The following AGBL4 variants were observed in gnomAD, a reference collection of about 807,000 sequenced individuals.
AGBL4 encodes the protein AGBL carboxypeptidase 4.
In AGBL4, 58 loss-of-function variants were observed where a neutral mutation model predicts 66.4. That is an observed-to-expected ratio of 0.87 (90% confidence interval 0.71 to 1.09). The LOEUF (loss-of-function observed/expected upper bound fraction) is 1.09, where lower values mean the gene tolerates loss of function less well. Ranked by LOEUF, AGBL4 falls within the 50% of genes least tolerant of loss-of-function variation. AGBL4 has a pLI of 0.00. For synonymous variants in AGBL4, 234 were observed against 222.9 expected (o/e 1.05, Z -0.44); for missense variants, 579 against 631.0 (o/e 0.92, Z 0.88).
intron 4 of AGBL4, among the ~76,000 whole-genome samples, chr1:49,091,503 C>G (rs181357205): frequency 7.3e-4 from 111 of 152,130 alleles, no homozygotes; most frequent in African/African-American, 2.6e-3. Flanking sequence ...TCATCTCACA[C>G]CAGTTATTAT....
chr1:49,302,807 G>T (rs1235302577), intron 3 of AGBL4, among the ~76,000 whole-genome samples: 3 of 151,610 alleles, frequency 2.0e-5, no homozygotes, highest in African/African-American at 7.3e-5. Flanking sequence ...TTATCCTGAT[G>T]TTCTCCCTCC....
intron 3 of AGBL4, among the ~76,000 whole-genome samples, chr1:49,546,569 G>A (rs1250194399): frequency 2.0e-5 from 3 of 152,068 alleles, no homozygotes; most frequent in Non-Finnish European, 4.4e-5. Flanking sequence ...ACTACTTCTA[G>A]TTCTTTAAGG....
chr1:48,957,761 C>T (rs1036188414), intron 5 of AGBL4, among the ~76,000 whole-genome samples: 4 of 152,202 alleles, frequency 2.6e-5, no homozygotes, highest in Non-Finnish European at 5.9e-5. Flanking sequence ...ACATTGACTT[C>T]AGTGATTTCC....
chr1:49,110,446 T>C (rs995649690), intron 4 of AGBL4, among the ~76,000 whole-genome samples: 1 of 152,220 alleles, frequency 6.6e-6, no homozygotes, highest in African/African-American at 2.4e-5. Flanking sequence ...TTCTATTTAT[T>C]GAAAACCATT....
chr1:48,940,717 G>A (rs1048851427), intron 5 of AGBL4, among the ~76,000 whole-genome samples: 3 of 152,152 alleles, frequency 2.0e-5, no homozygotes, highest in African/African-American at 7.2e-5. Context: ...TACCCTCAAC[G>A]GTTATATCCA....
At chr1:48,713,342 C>T (rs1262218617) in intron 6 of AGBL4, among the ~76,000 whole-genome samples, 6 of 152,046 alleles carry the variant, frequency 3.9e-5, no homozygotes, top group Non-Finnish European at 8.8e-5. Flanking sequence ...AAGGGAGAGC[C>T]ATTCTTAGGG....
At chr1:48,900,699 T>C (rs1299931326) in intron 5 of AGBL4, among the ~76,000 whole-genome samples, 1 of 152,194 alleles carries the variant, frequency 6.6e-6, no homozygotes, top group Non-Finnish European at 1.5e-5. Flanking sequence ...AATAAGAATT[T>C]TGATCCATAC....
At chr1:49,826,015 C>T (rs1645500710) in intron 2 of AGBL4, among the ~76,000 whole-genome samples, 1 of 152,016 alleles carries the variant, frequency 6.6e-6, no homozygotes, top group Admixed American at 6.6e-5. Context: ...CCACTAGCTA[C>T]ACGATTTTCC....
At chr1:49,514,559 A>T (rs1415079202) in intron 3 of AGBL4, among the ~76,000 whole-genome samples, 1 of 151,938 alleles carries the variant, frequency 6.6e-6, no homozygotes, top group Admixed American at 6.6e-5. Flanking sequence ...ATGGAACCAA[A>T]AAAGAGCCTG....
chr1:49,615,705 T>C (rs767924787), intron 3 of AGBL4, among the ~76,000 whole-genome samples: 1 of 152,136 alleles, frequency 6.6e-6, no homozygotes, highest in Admixed American at 6.6e-5. Flanking sequence ...GAAAGGGCAC[T>C]TGGAGCATTT....
chr1:48,747,846 T>C (rs1397957833), intron 6 of AGBL4, among the ~76,000 whole-genome samples: 1 of 152,356 alleles, frequency 6.6e-6, no homozygotes, highest in East Asian at 1.9e-4. Flanking sequence ...TTTTCAAACA[T>C]GTATGTGTTT....
intron 1 of AGBL4, among the ~76,000 whole-genome samples, chr1:49,937,883 A>G (rs564949855): frequency 2.6e-5 from 4 of 152,334 alleles, no homozygotes; most frequent in East Asian, 1.9e-4. Flanking sequence ...AATCCCCACA[A>G]GAGAAAGCAG....
chr1:49,350,954 G>C (rs1645741297), intron 3 of AGBL4, among the ~76,000 whole-genome samples: 1 of 152,202 alleles, frequency 6.6e-6, no homozygotes, highest in African/African-American at 2.4e-5. Flanking sequence ...CAGTAAGGAT[G>C]TCTGTTCAAA....
intron 3 of AGBL4, among the ~76,000 whole-genome samples, chr1:49,473,746 G>A (rs1475945919): frequency 6.6e-6 from 1 of 152,010 alleles, no homozygotes; most frequent in Non-Finnish European, 1.5e-5. Context: ...TTTTCTTCTA[G>A]TATTTTTATA....
intron 1 of AGBL4, among the ~76,000 whole-genome samples, chr1:49,938,939 A>T (rs892967031): frequency 9.9e-5 from 15 of 152,122 alleles, no homozygotes; most frequent in South Asian, 4.1e-4. Context: ...ACATGATTGT[A>T]TATCTAGAAA....
At chr1:49,178,071 G>A (rs892981639) in intron 4 of AGBL4, among the ~76,000 whole-genome samples, 2 of 152,120 alleles carry the variant, frequency 1.3e-5, no homozygotes, top group Non-Finnish European at 2.9e-5. Context: ...TCTAGAAAAA[G>A]TCAGTGTATT....
At chr1:49,690,639 G>C (rs909472914) in intron 3 of AGBL4, among the ~76,000 whole-genome samples, 4 of 152,214 alleles carry the variant, frequency 2.6e-5, no homozygotes, top group Admixed American at 6.5e-5. Context: ...TTAATATAAA[G>C]GGCTTAGAAC....
chr1:49,537,656 G>A (rs903453399), intron 3 of AGBL4, among the ~76,000 whole-genome samples: 2 of 152,192 alleles, frequency 1.3e-5, no homozygotes, highest in Non-Finnish European at 2.9e-5. Flanking sequence ...TGGGCATGGT[G>A]GCTCACGCCT....
At chr1:49,022,064 ATAT>A (rs1175261507) in intron 5 of AGBL4, among the ~76,000 whole-genome samples, 1 of 152,154 alleles carries the variant, frequency 6.6e-6, no homozygotes, top group Admixed American at 6.5e-5. Flanking sequence ...ATACATATGA[ATAT>A]TATTGAATGA....
Sources: allele counts gnomAD v4.1 joint callset (sites outside exome capture counted in the v4.1 genomes callset), GRCh38; gene constraint gnomAD v4.1.1; transcripts MANE v1.5; gene names NCBI Gene and HGNC (gene_info 2026-07-23, HGNC 2026-07-21).